TEAD3: variants seen among roughly 807,000 people sequenced by gnomAD.
The protein encoded by TEAD3 is TEA domain transcription factor 3.
Under a neutral mutation model 55.6 loss-of-function variants are expected in TEAD3, and 15 were observed. That is an observed-to-expected ratio of 0.27 (90% CI 0.18 to 0.42). The LOEUF (loss-of-function observed/expected upper bound fraction) is 0.42. TEAD3 is among the 10% of genes least tolerant of loss of function. TEAD3 has a pLI of 1.00. For missense variants in TEAD3, 407 were observed against 576.8 expected (o/e 0.71, Z 3.01); for synonymous variants, 210 against 232.2 (o/e 0.90, Z 0.87).
chr6:35,476,463 G>A, intron 8 of TEAD3, 28 bp from the exon 9 acceptor site: 1 of 1,610,884 alleles, frequency 6.2e-7, no homozygotes, highest in Non-Finnish European at 8.5e-7. Context: ...ATTTTCATCT[G>A]CATGGATGCA....
chr6:35,480,008 T>C (rs1768232936), intron 4 of TEAD3: 1 of 1,403,478 alleles, frequency 7.1e-7, no homozygotes, highest in Non-Finnish European at 9.6e-7. Flanking sequence ...GCGACAGGCC[T>C]GCACCCAGGA....
At chr6:35,477,489 A>G in intron 7 of TEAD3, 117 bp from the exon 8 acceptor site, 1 of 892,068 alleles carries the variant, frequency 1.1e-6, no homozygotes. Context: ...TGAGGCCCAG[A>G]AACGCATGCT....
chr6:35,474,921 TG>T, exon 13 of TEAD3: 1 of 773,950 alleles, frequency 1.3e-6, no homozygotes, highest in Non-Finnish European at 2.1e-6. Context: ...GGAGGCCTCC[TG>T]GGTCCTGGGC....
At position 35,475,803 on chromosome 6, in the gene TEAD3, C is replaced by T. The variant is rs1768133575; in HGVS notation, c.901-97G>A. ...CCTGCCCAAGGATCCATCTCTGGCA[C>T]TCTGCCCACAAGCCATGAGGATGCA... On this transcript the variant is annotated intron_variant, in intron 10 of 12. Transcript: ENST00000639578. This position sits in a 1 kb window ranked among gnomAD's most constrained non-coding sequence, Gnocchi z 5.4. The T allele has an allele frequency of 2.0e-6, 3 of 1,508,082 alleles. No homozygotes were observed. In the South Asian group the frequency reaches 4.0e-5, roughly 20 times the overall value. 93.4% of individuals were successfully genotyped at this position (1,508,082 alleles called of 1,614,324 possible). A position where few individuals can be genotyped will look rare whatever the true frequency, so the allele number is the denominator to read the frequency against.
At chr6:35,476,131 G>C (rs561639462) in intron 9 of TEAD3, 39 bp from the exon 10 acceptor site, 1 of 1,544,048 alleles carries the variant, frequency 6.5e-7, no homozygotes, top group African/African-American at 1.4e-5. Flanking sequence ...AGAGTACTCA[G>C]GCTTGCAGGC....
At position 35,475,144 on chromosome 6, in the gene TEAD3, C is replaced by T. The variant is rs372235163; in HGVS notation, c.1208G>A (p.Arg403Gln). 22 of 1,581,136 alleles carry T rather than the reference C, an allele frequency of 1.4e-5. No homozygotes were observed. The highest frequency in any genetic ancestry group is 7.4e-5 in the Admixed American group (4 of 54,398). ...GACAAGCAGGGTCTCCTGGGAGTCC[C>T]GGCTCGTGACCACCTGGGGGGTGAG... The change falls in exon 13 of 13, where the codon CGG (arginine) becomes CAG (glutamine). Residue 403 changes from arginine to glutamine, a missense_variant. Coordinates refer to ENST00000639578, the Ensembl canonical transcript of TEAD3. This position sits in a 1 kb window ranked among gnomAD's most constrained non-coding sequence, Gnocchi z 5.4.
chr6:35,480,276 G>A (rs1768239761), intron 3 of TEAD3, 36 bp downstream of exon 4: 2 of 1,609,318 alleles, frequency 1.2e-6, no homozygotes, highest in Non-Finnish European at 1.7e-6. Context: ...GAGGGGCCCA[G>A]GAGGGCTGAA....
rs1042290123 is a variant in TEAD3, at chr6:35,475,038, G to T, written c.*6C>A. 15 of 1,562,862 alleles carry T rather than the reference G, an allele frequency of 9.6e-6. No homozygotes were observed. Among genetic ancestry groups the T allele is most frequent in the Non-Finnish European group, 1.3e-5 (15 of 1,153,566 alleles). ...CCTGCATCCTTAAGGAGGCGCAGAG[G>T]GCACCCTAGTCTTTGACGAGCTTGT... On this transcript the variant is annotated 3_prime_UTR_variant, in exon 13 of 13. Transcript: ENST00000639578. This position sits in a 1 kb window ranked among gnomAD's most constrained non-coding sequence, Gnocchi z 5.4.
intron 1 of TEAD3, among the ~76,000 whole-genome samples, chr6:35,490,700 A>G (rs1350758670): frequency 6.6e-6 from 1 of 152,160 alleles, no homozygotes; most frequent in Non-Finnish European, 1.5e-5. Context: ...GTTCTCCTAG[A>G]GACCAGCATG....
In TEAD3 at chr6:35,488,800, C is replaced by T. The variant is rs542362284; in HGVS notation, c.-49-2089G>A. Among the ~76,000 whole-genome samples, 84 of 152,194 alleles carry T rather than the reference C, an allele frequency of 5.5e-4. No individual in the cohort carries two copies. The highest frequency in any genetic ancestry group is 1.4e-3 in the African/African-American group (60 of 41,538). On this transcript the variant is annotated intron_variant, in intron 1 of 12. Transcript: ENST00000639578. The surrounding 1 kb of genome is among the most constrained non-coding windows in gnomAD (Gnocchi z 4.2). ...GTGCAATGGCGCGATCTCTGCTCACCGCAACCTCCACCTCCTGGGTTCAAG... is the reference window on the plus strand; with the variant it reads ...GTGCAATGGCGCGATCTCTGCTCACTGCAACCTCCACCTCCTGGGTTCAAG...
chr6:35,483,372 C>A lies in TEAD3; in HGVS notation c.267+1188G>T, dbSNP rs1242948216. ...CTGGGAGTGTGAGGGTAGCACTGGC[C>A]TCCATTCCTCCAGGTCCCGCCTCCA... On this transcript the variant is annotated intron_variant, in intron 3 of 12. Coordinates refer to ENST00000639578, the Ensembl canonical transcript of TEAD3. This position sits in a 1 kb window ranked among gnomAD's most constrained non-coding sequence, Gnocchi z 4.5. 6.6e-6 allele frequency among the ~76,000 whole-genome samples: 1 copy of A among 152,274 alleles called. No homozygotes were observed. Among genetic ancestry groups the A allele is most frequent in the East Asian group, 1.9e-4 (1 of 5,180 alleles).
chr6:35,478,428 A>T lies in TEAD3; in HGVS notation c.480+6T>A. On this transcript the variant is annotated splice_donor_region_variant and intron_variant, in intron 6 of 12. Transcript: ENST00000639578. ...CACACCAGCCCACCTCCTGGGACCCATGTACCCGCGAGGAAGTGGAGAAGA... is the reference window on the plus strand; with the variant it reads ...CACACCAGCCCACCTCCTGGGACCCTTGTACCCGCGAGGAAGTGGAGAAGA... The T allele has an allele frequency of 6.2e-7, 1 of 1,613,712 alleles. No homozygotes were observed. Among genetic ancestry groups the T allele is most frequent in the East Asian group, 2.2e-5 (1 of 44,884 alleles).
downstream of TEAD3, chr6:35,474,667 TCCTGCCCTCACCTGCCCATCATGCTC>T (rs928879390): frequency 4.5e-6 from 1 of 221,304 alleles, no homozygotes; most frequent in African/African-American, 2.4e-5. Flanking sequence ...TTGGTCTCCA[TCCTGCCCTCACCTGCCCATCATGCTC>T]CCCCAAGGGT....
At chr6:35,477,268 A>C (rs1768167764) in intron 8 of TEAD3, 43 bp downstream of exon 8, 1 of 1,602,958 alleles carries the variant, frequency 6.2e-7, no homozygotes, top group African/African-American at 1.3e-5. Context: ...TCCTGAGTGG[A>C]GGTGCAGGTG....
At chr6:35,494,006 G>A (rs181750870) in intron 1 of TEAD3, among the ~76,000 whole-genome samples, 57 of 152,288 alleles carry the variant, frequency 3.7e-4, no homozygotes, top group Non-Finnish European at 4.9e-4. Context: ...GAGTCACCCA[G>A]TTTCTCTTAT....
intron 3 of TEAD3, among the ~76,000 whole-genome samples, chr6:35,481,164 C>T (rs1768259048): frequency 6.6e-6 from 1 of 151,886 alleles, no homozygotes; most frequent in South Asian, 2.1e-4. Context: ...CTTCTCTAGC[C>T]ATCTCCTCCT....
rs1396089407 is a variant in TEAD3, at chr6:35,485,053, T to C, written c.203-429A>G. Among the ~76,000 whole-genome samples the C allele has an allele frequency of 6.6e-6, 1 of 152,162 alleles. No homozygotes were observed. The highest frequency in any genetic ancestry group is 1.5e-5 in the Non-Finnish European group (1 of 68,020). ...CCTGTGTCACCAGCTCCAGTACTCTTAGTGCATGGATTTGTGGGGGCGTGT... is the reference window on the plus strand; with the variant it reads ...CCTGTGTCACCAGCTCCAGTACTCTCAGTGCATGGATTTGTGGGGGCGTGT... On this transcript the variant is annotated intron_variant, in intron 2 of 12. Coordinates refer to ENST00000639578, the Ensembl canonical transcript of TEAD3. The surrounding 1 kb of genome is among the most constrained non-coding windows in gnomAD (Gnocchi z 4.3).
chr6:35,493,724 C>T (rs759618828), intron 1 of TEAD3, among the ~76,000 whole-genome samples: 11 of 152,230 alleles, frequency 7.2e-5, no homozygotes, highest in Admixed American at 3.3e-4. Flanking sequence ...CACACCACAG[C>T]GTAACACATC....
chr6:35,488,610 A>G lies in TEAD3; in HGVS notation c.-49-1899T>C, dbSNP rs528342491. Among the ~76,000 whole-genome samples the G allele has an allele frequency of 3.2e-4, 48 of 152,048 alleles. No individual in the cohort carries two copies. Among genetic ancestry groups the G allele is most frequent in the Non-Finnish European group, 6.2e-4 (42 of 67,976 alleles). On this transcript the variant is annotated intron_variant, in intron 1 of 12. Transcript: ENST00000639578. This position sits in a 1 kb window ranked among gnomAD's most constrained non-coding sequence, Gnocchi z 4.2. Reference sequence around the variant, plus strand: ...CGGGGTGGACTCTCTCTGCAGAGCCACCTGTTTGCTTAGGGAGGCTTGAGG... The same window carrying G: ...CGGGGTGGACTCTCTCTGCAGAGCCGCCTGTTTGCTTAGGGAGGCTTGAGG...
Sources: allele counts gnomAD v4.1 joint callset (sites outside exome capture counted in the v4.1 genomes callset), GRCh38; gene constraint gnomAD v4.1.1; non-coding constraint Gnocchi (gnomAD v3.1); transcripts MANE v1.5; gene names NCBI Gene and HGNC (gene_info 2026-07-23, HGNC 2026-07-21).